The following C8orf34 variants were observed in gnomAD, a reference collection of about 807,000 sequenced individuals.
The protein encoded by C8orf34 is uncharacterized protein C8orf34.
A neutral mutation model predicts 68.3 loss-of-function variants in C8orf34; 65 were observed. The observed-to-expected ratio is 0.95, with a 90% CI of 0.78 to 1.17. The LOEUF (loss-of-function observed/expected upper bound fraction) is 1.17, where lower values mean the gene tolerates loss of function less well. Among genes scored for constraint, C8orf34 ranks in the 50% most tolerant of loss-of-function variants. C8orf34 has a pLI of 0.00. For missense variants in C8orf34, 664 were observed against 655.4 expected (o/e 1.01, Z -0.14); for synonymous variants, 244 against 241.2 (o/e 1.01, Z -0.11).
chr8:68,393,377 A>G (rs1046838951), intron 1 of C8orf34, among the ~76,000 whole-genome samples: 3 of 152,116 alleles, frequency 2.0e-5, no homozygotes, highest in Non-Finnish European at 2.9e-5. Flanking sequence ...AAAATAGAGG[A>G]CATTCCATAA....
chr8:68,405,313 A>G (rs1487208062), intron 1 of C8orf34, among the ~76,000 whole-genome samples: 1 of 152,148 alleles, frequency 6.6e-6, no homozygotes, highest in East Asian at 1.9e-4. Flanking sequence ...GCCACCTCAA[A>G]TGCTAAGAGT....
chr8:68,573,990 T>C (rs917990190), intron 7 of C8orf34, among the ~76,000 whole-genome samples: 8 of 152,160 alleles, frequency 5.3e-5, no homozygotes, highest in African/African-American at 9.6e-5. Context: ...TGATCAAAAG[T>C]TTTGCGAAGT....
intron 8 of C8orf34, among the ~76,000 whole-genome samples, chr8:68,692,216 A>G (rs2130909870): frequency 6.6e-6 from 1 of 152,154 alleles, no homozygotes; most frequent in East Asian, 1.9e-4. Flanking sequence ...GGAGGCAGAG[A>G]AGATTTTCTT....
At chr8:68,545,852 T>C (rs951322829) in intron 7 of C8orf34, among the ~76,000 whole-genome samples, 2 of 152,228 alleles carry the variant, frequency 1.3e-5, no homozygotes, top group African/African-American at 2.4e-5. Flanking sequence ...TCAAAGACAA[T>C]TGACTGCTTA....
intron 12 of C8orf34, among the ~76,000 whole-genome samples, chr8:68,792,730 A>T (rs1585891656): frequency 6.6e-6 from 1 of 151,934 alleles, no homozygotes; most frequent in Non-Finnish European, 1.5e-5. Flanking sequence ...GAAATTAAAA[A>T]CTTAATGTTT....
intron 5 of C8orf34, among the ~76,000 whole-genome samples, chr8:68,505,035 G>A (rs1480241735): frequency 1.3e-5 from 2 of 151,866 alleles, no homozygotes; most frequent in South Asian, 2.1e-4. Context: ...GGCTAGTCTC[G>A]AACTCTTGAC....
At chr8:68,390,896 A>T (rs1479843943) in intron 1 of C8orf34, among the ~76,000 whole-genome samples, 1 of 152,140 alleles carries the variant, frequency 6.6e-6, no homozygotes, top group Non-Finnish European at 1.5e-5. Flanking sequence ...TGCTGCCTGG[A>T]GACAGACTTT....
intron 1 of C8orf34, among the ~76,000 whole-genome samples, chr8:68,364,524 A>C (rs1446111490): frequency 2.5e-5 from 1 of 40,288 alleles, no homozygotes; most frequent in African/African-American, 1.1e-4. Context: ...ATGTAAAAGA[A>C]CAGAAATTAT....
At chr8:68,537,911 A>G (rs1040879219) in intron 7 of C8orf34, among the ~76,000 whole-genome samples, 4 of 152,156 alleles carry the variant, frequency 2.6e-5, no homozygotes, top group African/African-American at 9.6e-5. Flanking sequence ...ATTTACTTTT[A>G]TGGTGTTTAG....
chr8:68,766,375 C>T (rs991777525), intron 10 of C8orf34, among the ~76,000 whole-genome samples: 70 of 152,026 alleles, frequency 4.6e-4, no homozygotes, highest in African/African-American at 1.6e-3. Context: ...TCATATTTCA[C>T]GGACCTTAGA....
intron 7 of C8orf34, among the ~76,000 whole-genome samples, chr8:68,563,657 TA>T (rs879672905): frequency 2.3e-3 from 324 of 142,518 alleles, no homozygotes; most frequent in Middle Eastern, 3.5e-3. Context: ...GAGTTAAGAT[TA>T]AAAAAAAAAA....
chr8:68,405,029 C>A (rs927169581), intron 1 of C8orf34, among the ~76,000 whole-genome samples: 9 of 152,036 alleles, frequency 5.9e-5, no homozygotes, highest in Non-Finnish European at 1.2e-4. Context: ...TGTTTGTGTC[C>A]TCTCTTATTT....
intron 1 of C8orf34, among the ~76,000 whole-genome samples, chr8:68,351,083 A>G (rs1160335645): frequency 2.0e-5 from 3 of 151,770 alleles, no homozygotes; most frequent in African/African-American, 7.3e-5. Context: ...ATATGTTTTT[A>G]TATTAGCTGG....
intron 8 of C8orf34, among the ~76,000 whole-genome samples, chr8:68,646,462 T>G (rs999779470): frequency 3.9e-5 from 6 of 152,154 alleles, no homozygotes; most frequent in Admixed American, 3.3e-4. Flanking sequence ...ACTTTTTTTG[T>G]GGTAAAAACA....
intron 6 of C8orf34, among the ~76,000 whole-genome samples, chr8:68,528,682 C>T (rs1049227080): frequency 1.3e-5 from 2 of 152,204 alleles, no homozygotes; most frequent in Admixed American, 6.5e-5. Flanking sequence ...TGGTGCTACC[C>T]GGCAATGCAG....
intron 6 of C8orf34, among the ~76,000 whole-genome samples, chr8:68,522,285 C>T (rs781236798): frequency 2.0e-4 from 31 of 152,036 alleles, no homozygotes; most frequent in Non-Finnish European, 3.4e-4. Context: ...CAGAGAGTGG[C>T]TGGCTGTTAA....
At chr8:68,415,620 A>G (rs1809633181) in intron 1 of C8orf34, among the ~76,000 whole-genome samples, 1 of 152,234 alleles carries the variant, frequency 6.6e-6, no homozygotes, top group Non-Finnish European at 1.5e-5. Flanking sequence ...TCTGGAATCC[A>G]GAAGCCAATA....
At chr8:68,628,684 T>C (rs1378163892) in intron 7 of C8orf34, among the ~76,000 whole-genome samples, 1 of 152,170 alleles carries the variant, frequency 6.6e-6, no homozygotes, top group African/African-American at 2.4e-5. Flanking sequence ...GCTGAATCAC[T>C]GTGAAGGGAC....
chr8:68,472,743 ATGT>A (rs879793568), intron 4 of C8orf34, among the ~76,000 whole-genome samples: 112 of 152,334 alleles, frequency 7.4e-4, no homozygotes, highest in African/African-American at 2.6e-3. Context: ...TTGGAATAAA[ATGT>A]TGTATTTAAC....
Sources: allele counts gnomAD v4.1 joint callset (sites outside exome capture counted in the v4.1 genomes callset), GRCh38; gene constraint gnomAD v4.1.1; transcripts MANE v1.5; gene names NCBI Gene and HGNC (gene_info 2026-07-23, HGNC 2026-07-21).